The following PREX1 variants were observed in gnomAD, a reference collection of about 807,000 sequenced individuals.
The protein encoded by PREX1 is phosphatidylinositol 3,4,5-trisphosphate-dependent Rac exchanger 1 protein.
PREX1 carries 41 observed loss-of-function variants against 198.3 expected under a neutral mutation model. The observed-to-expected ratio is 0.21, with a 90% confidence interval of 0.16 to 0.27. The LOEUF is 0.27. Among genes scored for constraint, PREX1 ranks in the 10% least tolerant of loss-of-function variants. The probability of loss-of-function intolerance (pLI) is 1.00; values close to 1 mark genes in which losing one functional copy is unlikely to be tolerated. For synonymous variants in PREX1, 843 were observed against 887.2 expected (o/e 0.95, Z 0.89); for missense variants, 1,620 against 2,200.7 (o/e 0.74, Z 5.28).
intron 27 of PREX1, among the ~76,000 whole-genome samples, chr20:48,643,371 AG>A (rs2089428198): frequency 6.6e-6 from 1 of 152,090 alleles, no homozygotes; most frequent in Non-Finnish European, 1.5e-5. Context: ...CAGGAGCCTG[AG>A]GCAGGAAAAT....
intron 5 of PREX1, among the ~76,000 whole-genome samples, chr20:48,709,384 C>G (rs1438809391): frequency 6.6e-6 from 1 of 152,216 alleles, no homozygotes; most frequent in African/African-American, 2.4e-5. Flanking sequence ...ATCGTAGTTA[C>G]GAGCACAAAT....
the PREX1 span, among the ~76,000 whole-genome samples, chr20:48,854,054 TC>T: frequency 6.6e-6 from 1 of 152,178 alleles, no homozygotes; most frequent in Admixed American, 6.5e-5. Flanking sequence ...AGGCAGCTGC[TC>T]CGAACAACCC....
chr20:48,714,137 A>C (rs1248638939), intron 5 of PREX1, among the ~76,000 whole-genome samples: 1 of 152,230 alleles, frequency 6.6e-6, no homozygotes, highest in Non-Finnish European at 1.5e-5. Context: ...AAACTGTCAG[A>C]GAAAACACAG....
intron 3 of PREX1, among the ~76,000 whole-genome samples, chr20:48,736,024 C>T (rs2090055658): frequency 6.6e-6 from 1 of 152,160 alleles, no homozygotes; most frequent in Admixed American, 6.5e-5. Context: ...AAGTGCTTCT[C>T]CTCCCTAGGC....
At chr20:48,631,292 T>G (rs568569516) in intron 35 of PREX1, among the ~76,000 whole-genome samples, 78 of 152,222 alleles carry the variant, frequency 5.1e-4, no homozygotes, top group African/African-American at 1.9e-3. Context: ...GATGTGAAAA[T>G]GAGTGAATGC....
At chr20:48,867,868 AC>A in the PREX1 span, among the ~76,000 whole-genome samples, 1 of 148,298 alleles carries the variant, frequency 6.7e-6, no homozygotes, top group Admixed American at 6.7e-5. Context: ...TACCATCTTA[AC>A]CTTTTTTTTT....
intron 1 of PREX1, among the ~76,000 whole-genome samples, chr20:48,812,349 CATAAGAGGAATGGGTAAATAAT>C (rs2090440130): frequency 6.3e-5 from 5 of 79,898 alleles, no homozygotes; most frequent in Admixed American, 2.7e-4. Flanking sequence ...GGGTAAATAA[CATAAGAGGAATGGGTAAATAAT>C]ATAAGAGGAA....
intron 5 of PREX1, among the ~76,000 whole-genome samples, chr20:48,725,946 A>G (rs1489245674): frequency 6.6e-6 from 1 of 152,208 alleles, no homozygotes; most frequent in Non-Finnish European, 1.5e-5. Context: ...TCAGGCCCAA[A>G]CCATTTGGCA....
chr20:48,703,866 T>C (rs1316776036), intron 6 of PREX1, among the ~76,000 whole-genome samples: 2 of 152,096 alleles, frequency 1.3e-5, no homozygotes, highest in Non-Finnish European at 2.9e-5. Context: ...GCACTCTTGA[T>C]CTCCCTGAAA....
At chr20:48,681,191 C>T (rs2089747181) in intron 11 of PREX1, 44 bp downstream of exon 11, 2 of 1,543,848 alleles carry the variant, frequency 1.3e-6, no homozygotes, top group Non-Finnish European at 1.8e-6. Context: ...GGGGTCTGAC[C>T]TGTTCCCACC....
rs759264348 is a variant in PREX1 at position 48,639,943 on chromosome 20, T to A, written c.3776-49A>T. ...GGCCAGGGAAGGGACGGAGGTAGTG[T>A]TGGAGAACGGTGGCACAAAGGCCTA... is the stretch of plus-strand genomic sequence containing the variant. On this transcript the variant is annotated intron_variant, in intron 29 of 39. Transcript: ENST00000371941. 4 of 1,594,250 alleles carry A rather than the reference T, an allele frequency of 2.5e-6. No homozygotes were observed. The Admixed American group carries it at 5.0e-5, about 20-fold the overall frequency.
Position 48,688,736 on chromosome 20 carries a change from T to C in PREX1, c.1255A>G (p.Met419Val). The change falls in exon 10 of 40, where the codon ATG becomes GTG. Residue 419 changes from methionine to valine, a missense_variant. By Grantham distance (21) the Met-to-Val change is conservative. Around this residue, in one of 7 missense-constraint regions of PREX1, gnomAD observed 488 missense variants for 802.5 expected, o/e 0.61. Transcript: ENST00000371941. Reference protein sequence around the residue: ...IAEKGEKLYHMMMNKKVNLIK... With the variant: ...IAEKGEKLYHVMMNKKVNLIK... ...AGGTTCACCTTCTTGTTCATCATCA[T>C]GTGGTACAGCTTCTCCCCCTTCTCC... 1.2e-6 allele frequency: 2 copies of C among 1,614,214 alleles called. No homozygotes were observed. Among genetic ancestry groups the C allele is most frequent in the African/African-American group, 1.3e-5 (1 of 75,048 alleles).
At chr20:48,761,565 G>A (rs1208076496) in intron 1 of PREX1, among the ~76,000 whole-genome samples, 2 of 148,092 alleles carry the variant, frequency 1.4e-5, no homozygotes, top group Non-Finnish European at 3.0e-5. Context: ...GGAAGTTGAT[G>A]CAAAAAACAA....
the PREX1 span, among the ~76,000 whole-genome samples, chr20:48,843,757 A>G: frequency 2.6e-5 from 4 of 152,184 alleles, no homozygotes; most frequent in Non-Finnish European, 5.9e-5. Flanking sequence ...TTTGGACAGC[A>G]AGAGTGGGGA....
At chr20:48,728,745 G>A (rs904090342) in intron 4 of PREX1, among the ~76,000 whole-genome samples, 9 of 152,090 alleles carry the variant, frequency 5.9e-5, no homozygotes, top group African/African-American at 2.2e-4. Flanking sequence ...CAGGATCAAG[G>A]AGTTTTCACA....
chr20:48,628,124 C>T (rs142527680), intron 37 of PREX1, among the ~76,000 whole-genome samples, 161 bp from the exon 38 acceptor site: 2 of 152,258 alleles, frequency 1.3e-5, no homozygotes, highest in East Asian at 1.9e-4. Context: ...CCTCCTCCTG[C>T]CGTCCCTCCC....
intron 1 of PREX1, among the ~76,000 whole-genome samples, chr20:48,761,815 C>T (rs530045787): frequency 1.3e-5 from 2 of 152,294 alleles, no homozygotes; most frequent in South Asian, 4.1e-4. Flanking sequence ...AGGCATCATT[C>T]CTTTGGCCTG....
At position 48,781,850 on chromosome 20, in the gene PREX1, G is replaced by A. The variant is rs6066858; in HGVS notation, c.220-33970C>T. Among the ~76,000 whole-genome samples, 6 of 152,222 alleles carry A rather than the reference G, an allele frequency of 3.9e-5. No individual in the cohort carries two copies. In the East Asian group the frequency reaches 1.2e-3, roughly 29 times the overall value. On this transcript the variant is annotated intron_variant, in intron 1 of 39. Transcript: ENST00000371941. ...CTCATGACCCAGTCACCTCCTATTA[G>A]GCCCTATTTCCTGTTGCATTAAGGA...
In PREX1 at chr20:48,645,865, A is replaced by G. The variant is rs2089446983; in HGVS notation, c.3498T>C (p.Tyr1166=). 3 of 1,614,126 alleles carry G rather than the reference A, an allele frequency of 1.9e-6. No homozygotes were observed. Among genetic ancestry groups the G allele is most frequent in the Non-Finnish European group, 1.7e-6 (2 of 1,180,008 alleles). ...QEDSGHDTMS[Y]RDSYSECNSN... is the part of the protein sequence containing the mutation. ...GTGACACCCACCTGTAGGAGTCGCG[A>G]TAACTCATGGTGTCGTGGCCTGAGT... The change falls in exon 26 of 40, where the codon TAT becomes TAC. Residue 1166 remains tyrosine (Y), a synonymous_variant. Coordinates refer to ENST00000371941, the MANE Select transcript of PREX1 (RefSeq NM_020820.4).
Sources: allele counts gnomAD v4.1 joint callset (sites outside exome capture counted in the v4.1 genomes callset), GRCh38; gene constraint gnomAD v4.1.1; regional missense constraint gnomAD v4.1.1; transcripts MANE v1.5; gene names NCBI Gene and HGNC (gene_info 2026-07-23, HGNC 2026-07-21).